Variants in PRUNE2 observed in about 807,000 individuals in gnomAD.
The protein encoded by PRUNE2 is protein prune homolog 2.
Under a neutral mutation model 252.0 loss-of-function variants are expected in PRUNE2, and 164 were observed. That is an observed-to-expected ratio of 0.65 (90% CI 0.57 to 0.74). The LOEUF is 0.74. Among genes scored for constraint, PRUNE2 ranks in the 30% least tolerant of loss-of-function variants. The pLI is 0.00. For missense variants in PRUNE2, 3,495 were observed against 3,711.0 expected (o/e 0.94, Z 1.51); for synonymous variants, 1,292 against 1,350.2 (o/e 0.96, Z 0.94).
At chr9:76,632,620 T>A (rs2132443703) in intron 15 of PRUNE2, among the ~76,000 whole-genome samples, 1 of 152,322 alleles carries the variant, frequency 6.6e-6, no homozygotes, top group East Asian at 1.9e-4. Context: ...TGCAGTGGTA[T>A]GATCATAGCT....
At chr9:76,731,508 T>G (rs1013063623) in intron 6 of PRUNE2, among the ~76,000 whole-genome samples, 1 of 151,940 alleles carries the variant, frequency 6.6e-6, no homozygotes, top group African/African-American at 2.4e-5. Context: ...TTTATTTTTT[T>G]GTATAGACAG....
chr9:76,699,027 T>TCC (rs1554704905), intron 9 of PRUNE2, among the ~76,000 whole-genome samples: 4 of 139,648 alleles, frequency 2.9e-5, no homozygotes, highest in African/African-American at 8.3e-5. Flanking sequence ...TCTCTTCTCC[T>TCC]TCCCCACCCC....
rs867575600 is a variant in PRUNE2, at chr9:76,825,440, G to A, written c.661+1140C>T. Among the ~76,000 whole-genome samples the A allele has an allele frequency of 5.3e-5, 8 of 152,194 alleles. No homozygotes were observed. The South Asian group carries it at 6.2e-4, about 12-fold the overall frequency. On this transcript the variant is annotated intron_variant, in intron 5 of 18. Transcript: ENST00000376718. ...TTCCCATGGAGCCAACTTGCTTGCT[G>A]AAGCATTCCATTCCCCTATCAGTGT...
chr9:76,697,654 AC>A (rs915642352), intron 9 of PRUNE2, among the ~76,000 whole-genome samples: 1 of 152,202 alleles, frequency 6.6e-6, no homozygotes, highest in Non-Finnish European at 1.5e-5. Flanking sequence ...GAAAACATCA[AC>A]CTATAGAAGC....
chr9:76,656,936 C>A (rs747457668), intron 9 of PRUNE2, among the ~76,000 whole-genome samples: 28 of 152,092 alleles, frequency 1.8e-4, no homozygotes, highest in Non-Finnish European at 3.4e-4. Flanking sequence ...GTAAGACAGA[C>A]AATAATGTAT....
intron 18 of PRUNE2, among the ~76,000 whole-genome samples, chr9:76,618,542 ACTAATTCGCT>A (rs2131925219): frequency 6.6e-6 from 1 of 152,348 alleles, no homozygotes; most frequent in South Asian, 2.1e-4. Flanking sequence ...TGACTTGGCC[ACTAATTCGCT>A]CTGTTCTCTT....
chr9:76,861,802 T>G (rs2060564753), intron 1 of PRUNE2, among the ~76,000 whole-genome samples: 2 of 148,722 alleles, frequency 1.3e-5, no homozygotes, highest in Admixed American at 6.6e-5. Flanking sequence ...TTTTTTTTTT[T>G]GTATTTTTGT....
Position 76,760,818 on chromosome 9 carries a change from G to A in PRUNE2, c.757-47097C>T, listed in dbSNP as rs187233721. Among the ~76,000 whole-genome samples the A allele has an allele frequency of 2.7e-4, 41 of 152,240 alleles. 1 individual carries two copies. The highest frequency in any genetic ancestry group is 2.0e-3 in the Admixed American group (30 of 15,294). On this transcript the variant is annotated intron_variant, in intron 6 of 18. Transcript: ENST00000376718. Reference sequence around the variant, plus strand: ...GTACATGTCCAGACTCGGGCCGGGCGCGGTGACCTGTAATCCCAGCACTTT... The same window carrying A: ...GTACATGTCCAGACTCGGGCCGGGCACGGTGACCTGTAATCCCAGCACTTT...
At chr9:76,894,730 A>AAAAAAAAAAAAAAAT in intron 1 of PRUNE2, among the ~76,000 whole-genome samples, 1 of 151,724 alleles carries the variant, frequency 6.6e-6, no homozygotes, top group East Asian at 1.9e-4. Flanking sequence ...AAAAAAAAAA[A>AAAAAAAAAAAAAAAT]AAGGACCAGC....
chr9:76,753,762 A>C (rs1304808664), intron 6 of PRUNE2, among the ~76,000 whole-genome samples: 1 of 150,456 alleles, frequency 6.6e-6, no homozygotes, highest in Non-Finnish European at 1.5e-5. Flanking sequence ...AAAGAAATAC[A>C]AAAAAATTAG....
chr9:76,620,661 CT>C (rs1429766544), intron 17 of PRUNE2, among the ~76,000 whole-genome samples: 1 of 152,140 alleles, frequency 6.6e-6, no homozygotes, highest in Admixed American at 6.6e-5. Flanking sequence ...ACTCCCCACC[CT>C]TCTTGCTGGT....
At chr9:76,697,623 AG>A (rs1201145132) in intron 9 of PRUNE2, among the ~76,000 whole-genome samples, 6 of 152,256 alleles carry the variant, frequency 3.9e-5, no homozygotes, top group African/African-American at 1.4e-4. Flanking sequence ...CCTTTCAACG[AG>A]ATAACGGGAG....
chr9:76,669,362 C>A (rs371692128), intron 9 of PRUNE2, among the ~76,000 whole-genome samples: 1 of 152,010 alleles, frequency 6.6e-6, no homozygotes, highest in African/African-American at 2.4e-5. Context: ...TCTTGTCACC[C>A]AGGCTGGAGT....
chr9:76,668,877 A>G (rs1017098614), intron 9 of PRUNE2, among the ~76,000 whole-genome samples: 1 of 149,340 alleles, frequency 6.7e-6, no homozygotes, highest in African/African-American at 2.5e-5. Flanking sequence ...ACTCGCTCAC[A>G]ATTCTGGAGG....
At chr9:76,739,986 G>A (rs1023011249) in intron 6 of PRUNE2, 1 of 152,088 alleles carries the variant, frequency 6.6e-6, no homozygotes, top group African/African-American at 2.4e-5. Context: ...TCGGGAGGGT[G>A]AGGCAGGAGA....
chr9:76,790,282 G>A (rs1564310902), intron 6 of PRUNE2, among the ~76,000 whole-genome samples: 1 of 152,126 alleles, frequency 6.6e-6, no homozygotes, highest in Non-Finnish European at 1.5e-5. Flanking sequence ...CTAGCACATG[G>A]CCCAGTTTGT....
intron 6 of PRUNE2, among the ~76,000 whole-genome samples, chr9:76,743,721 T>C (rs577412613): frequency 1.1e-3 from 161 of 152,346 alleles, no homozygotes; most frequent in Non-Finnish European, 1.9e-3. Flanking sequence ...ATTGCTAACA[T>C]TGATATAATT....
chr9:76,783,853 C>T (rs1280741576), intron 6 of PRUNE2: 1 of 152,114 alleles, frequency 6.6e-6, no homozygotes, highest in Non-Finnish European at 1.5e-5. Flanking sequence ...CTTTAAATAT[C>T]CACACACACA....
chr9:76,846,002 G>T (rs2059652021), intron 4 of PRUNE2, among the ~76,000 whole-genome samples: 1 of 152,212 alleles, frequency 6.6e-6, no homozygotes, highest in African/African-American at 2.4e-5. Context: ...TTTGAGTGAA[G>T]ACAGAATATG....
Sources: gnomAD v4.1 joint callset for allele counts (sites outside exome capture counted in the v4.1 genomes callset) on GRCh38, gnomAD v4.1.1 for gene constraint, MANE v1.5 for transcripts, NCBI Gene and HGNC (gene_info 2026-07-23, HGNC 2026-07-21) for gene names.